Variants in PKN2 observed in about 807,000 individuals in gnomAD.
The protein encoded by PKN2 is protein kinase N2.
Under a neutral mutation model 119.1 loss-of-function variants are expected in PKN2, and 38 were observed. The observed-to-expected ratio is 0.32, with a 90% CI of 0.25 to 0.42. The LOEUF is 0.42. PKN2 is among the 10% of genes least tolerant of loss of function. The pLI is 1.00. For synonymous variants in PKN2, 390 were observed against 384.9 expected (o/e 1.01, Z -0.15); for missense variants, 850 against 1,165.1 (o/e 0.73, Z 3.94).
chr1:88,717,623 G>A (rs1358029680), intron 1 of PKN2, among the ~76,000 whole-genome samples: 5 of 151,858 alleles, frequency 3.3e-5, no homozygotes, highest in African/African-American at 9.7e-5. Context: ...TAGTTCTCAT[G>A]CCATGGTTTA....
chr1:88,797,001 T>G (rs7548139), intron 8 of PKN2, among the ~76,000 whole-genome samples: 1 of 150,726 alleles, frequency 6.6e-6, no homozygotes, highest in Non-Finnish European at 1.5e-5. Context: ...CCCAAATAGA[T>G]ACAGGTCAGA....
intron 1 of PKN2, among the ~76,000 whole-genome samples, chr1:88,724,410 CTT>C (rs942467553): frequency 6.6e-6 from 1 of 152,042 alleles, no homozygotes; most frequent in Non-Finnish European, 1.5e-5. Context: ...GCAAATGTCT[CTT>C]GTTACATACT....
intron 1 of PKN2, among the ~76,000 whole-genome samples, chr1:88,722,061 T>G (rs1187677245): frequency 6.6e-6 from 1 of 152,200 alleles, no homozygotes; most frequent in Non-Finnish European, 1.5e-5. Context: ...GATCAGATGC[T>G]CTAGAGTCAT....
intron 6 of PKN2, among the ~76,000 whole-genome samples, chr1:88,780,083 G>T (rs1670273140): frequency 6.6e-6 from 1 of 151,980 alleles, no homozygotes; most frequent in Admixed American, 6.6e-5. Context: ...TGTGATTTTG[G>T]TTTTTTTAAA....
chr1:88,716,966 A>G (rs1423601141), intron 1 of PKN2, among the ~76,000 whole-genome samples: 2 of 152,158 alleles, frequency 1.3e-5, no homozygotes, highest in East Asian at 3.8e-4. Flanking sequence ...TGCTTCCTTC[A>G]GGAGCTCTTG....
At chr1:88,696,258 G>A (rs1013609646) in intron 1 of PKN2, among the ~76,000 whole-genome samples, 2 of 152,170 alleles carry the variant, frequency 1.3e-5, no homozygotes, top group African/African-American at 4.8e-5. Context: ...ACCTTGTTTA[G>A]TAACAGTTGC....
chr1:88,813,125 TA>T (rs1226481715), intron 15 of PKN2, among the ~76,000 whole-genome samples: 2 of 152,192 alleles, frequency 1.3e-5, no homozygotes, highest in Non-Finnish European at 2.9e-5. Flanking sequence ...TTTTATATGA[TA>T]AAAAATTGAA....
intron 1 of PKN2, among the ~76,000 whole-genome samples, chr1:88,704,064 C>A (rs980810418): frequency 1.3e-5 from 2 of 152,066 alleles, no homozygotes; most frequent in African/African-American, 4.8e-5. Flanking sequence ...CTGATAACAA[C>A]TGTGAAACTG....
At chr1:88,710,822 C>CA (rs1667200239) in intron 1 of PKN2, among the ~76,000 whole-genome samples, 1 of 152,156 alleles carries the variant, frequency 6.6e-6, no homozygotes, top group Non-Finnish European at 1.5e-5. Context: ...GAATATAAAT[C>CA]ATTCTATTAT....
Position 88,784,779 on chromosome 1 carries a change from A to G in PKN2, c.1126A>G (p.Lys376Glu). ...SSFMSRTSKS[K>E]SGSSRNLLKT... ...TTTCATGAGCAGAACGAGTAAAAGT[A>G]AAAGCGGAAGTAGTCGAAATCTTCT... The change falls in exon 7 of 22, where the codon AAA (lysine) becomes GAA (glutamate). Residue 376 changes from lysine (K) to glutamate (E), a missense_variant. Transcript: ENST00000370521. The G allele has an allele frequency of 6.2e-7, 1 of 1,612,070 alleles. No homozygotes were observed. The highest frequency in any genetic ancestry group is 8.5e-7 in the Non-Finnish European group (1 of 1,178,956).
At chr1:88,764,461 A>C (rs145394885) in intron 3 of PKN2, among the ~76,000 whole-genome samples, 73 of 152,344 alleles carry the variant, frequency 4.8e-4, no homozygotes, top group African/African-American at 1.7e-3. Flanking sequence ...ATTAGAATAT[A>C]AATTTCATGC....
chr1:88,723,456 C>G (rs1046201141), intron 1 of PKN2, among the ~76,000 whole-genome samples: 2 of 133,634 alleles, frequency 1.5e-5, no homozygotes, highest in African/African-American at 2.7e-5. Context: ...CAGTCTTGCT[C>G]TGTCACCCAG....
At chr1:88,737,732 G>A (rs1329901344) in intron 1 of PKN2, among the ~76,000 whole-genome samples, 1 of 152,162 alleles carries the variant, frequency 6.6e-6, no homozygotes, top group Non-Finnish European at 1.5e-5. Context: ...TCTGCCTGGT[G>A]TTGGGTTTCA....
intron 2 of PKN2, among the ~76,000 whole-genome samples, chr1:88,747,905 A>G (rs1054127195): frequency 1.3e-5 from 2 of 152,134 alleles, no homozygotes. Context: ...TTCATGACTA[A>G]AGAACAGTTT....
At chr1:88,829,319 G>GCTTTTT in intron 19 of PKN2, 2 of 581,576 alleles carry the variant, frequency 3.4e-6, no homozygotes, top group Non-Finnish European at 6.6e-6. Flanking sequence ...GCTATCAAAA[G>GCTTTTT]TATTCGCTAC....
chr1:88,686,854 T>C (rs187141005), intron 1 of PKN2, among the ~76,000 whole-genome samples: 1 of 152,216 alleles, frequency 6.6e-6, no homozygotes, highest in Admixed American at 6.5e-5. Context: ...GCTTCTAAAT[T>C]GTTTGAATTT....
At chr1:88,692,732 A>G (rs1282366027) in intron 1 of PKN2, among the ~76,000 whole-genome samples, 2 of 151,932 alleles carry the variant, frequency 1.3e-5, no homozygotes, top group Non-Finnish European at 2.9e-5. Flanking sequence ...AGAGTTCTTT[A>G]TATTGCTTAT....
chr1:88,777,863 C>G (rs1570615850), intron 6 of PKN2, among the ~76,000 whole-genome samples: 1 of 152,198 alleles, frequency 6.6e-6, no homozygotes, highest in East Asian at 1.9e-4. Flanking sequence ...CAGACTCTTT[C>G]AGTAGATAAG....
At chr1:88,829,969 G>A (rs1330095200) in intron 19 of PKN2, among the ~76,000 whole-genome samples, 1 of 152,226 alleles carries the variant, frequency 6.6e-6, no homozygotes, top group African/African-American at 2.4e-5. Flanking sequence ...CTTGGAAAAG[G>A]AGGAGAAGTA....
Sources: allele counts gnomAD v4.1 joint callset (sites outside exome capture counted in the v4.1 genomes callset), GRCh38; gene constraint gnomAD v4.1.1; transcripts MANE v1.5; gene names NCBI Gene and HGNC (gene_info 2026-07-23, HGNC 2026-07-21).